SPATA19: variants seen among roughly 807,000 people sequenced by gnomAD.
SPATA19 encodes the protein spermatogenesis associated 19, also known as spermatogenesis-associated protein 19, mitochondrial.
Under a neutral mutation model 25.0 loss-of-function variants are expected in SPATA19, and 19 were observed. The ratio of observed to expected loss-of-function variants is 0.76; its 90% CI spans 0.53 to 1.11. The LOEUF is 1.11. Among genes scored for constraint, SPATA19 ranks in the 50% most tolerant of loss-of-function variants. SPATA19 has a pLI of 0.00. For synonymous variants in SPATA19, 64 were observed against 69.3 expected (o/e 0.92, Z 0.38); for missense variants, 222 against 211.4 (o/e 1.05, Z -0.31).
At chr11:133,842,842 T>C (rs1938338816) in intron 4 of SPATA19, among the ~76,000 whole-genome samples, 1 of 152,118 alleles carries the variant, frequency 6.6e-6, no homozygotes, top group South Asian at 2.1e-4. Flanking sequence ...CAAGCAGTGG[T>C]CTCGTGAGCC....
intron 6 of SPATA19, 25 bp downstream of exon 6, chr11:133,842,005 G>GTTCCTC (rs769903349): frequency 1.1e-5 from 17 of 1,605,684 alleles, no homozygotes; most frequent in Non-Finnish European, 1.4e-5. Context: ...TCTCTGCCCA[G>GTTCCTC]TTCCTCATCC....
downstream of SPATA19, among the ~76,000 whole-genome samples, chr11:133,839,440 C>A (rs1037437661): frequency 5.3e-5 from 8 of 150,684 alleles, no homozygotes; most frequent in Non-Finnish European, 2.9e-5. Flanking sequence ...GACAAAAAAC[C>A]AAACACCGCA....
downstream of SPATA19, among the ~76,000 whole-genome samples, chr11:133,839,054 G>C (rs1427740811): frequency 2.0e-5 from 3 of 152,210 alleles, no homozygotes; most frequent in Admixed American, 6.5e-5. Context: ...AGGATGTGGA[G>C]AAATAGGAAC....
At position 133,842,068 on chromosome 11, in the gene SPATA19, T is replaced by G. The variant is rs752377823; in HGVS notation, c.475A>C (p.Ser159Arg). Residue 159 changes from serine to arginine, a missense_variant, in exon 6 of 7, where the codon AGT becomes CGT. Coordinates refer to ENST00000299140, the MANE Select transcript of SPATA19 (RefSeq NM_174927.3). The stretch of plus-strand genomic sequence containing the variant: ...CAGTCTGAGGAGGAGGGTCTCATAC[T>G]GAAGTCCTGAGCTGAGACATCTGTA... ...RLTDVSAQDF[S>R]MRPSSSDC The G allele has an allele frequency of 1.2e-6, 2 of 1,614,150 alleles. No individual in the cohort carries two copies. Among genetic ancestry groups the G allele is most frequent in the Non-Finnish European group, 1.7e-6 (2 of 1,180,032 alleles).
intron 2 of SPATA19, 37 bp downstream of exon 2, chr11:133,845,097 T>C (rs1938391923): frequency 6.3e-7 from 1 of 1,581,274 alleles, no homozygotes; most frequent in African/African-American, 1.3e-5. Flanking sequence ...TTCTCTAGCA[T>C]TTTGGATATC....
chr11:133,839,862 C>T (rs1281985730), downstream of SPATA19, among the ~76,000 whole-genome samples: 1 of 151,704 alleles, frequency 6.6e-6, no homozygotes, highest in African/African-American at 2.4e-5. Flanking sequence ...AGAAGAATAC[C>T]CGCAAAAAAG....
At chr11:133,842,646 T>C in intron 4 of SPATA19, 84 bp from the exon 5 acceptor site, 1 of 1,041,152 alleles carries the variant, frequency 9.6e-7, no homozygotes, top group East Asian at 2.4e-5. Context: ...GATGGGATCC[T>C]GCAAACAATG....
chr11:133,836,318 A>C (rs1015270471), downstream of SPATA19, among the ~76,000 whole-genome samples: 1 of 152,152 alleles, frequency 6.6e-6, no homozygotes, highest in Admixed American at 6.5e-5. Context: ...CATGCAGGCA[A>C]AGGGAGGCTG....
In SPATA19 at chr11:133,842,082, G is replaced by A; in HGVS notation, c.461C>T (p.Ser154Leu). ...GGGTCTCATACTGAAGTCCTGAGCT[G>A]AGACATCTGTAAGACGGGATATGCT... Reference protein sequence around the residue: ...RRSISRLTDVSAQDFSMRPSS... With the variant: ...RRSISRLTDVLAQDFSMRPSS... The change falls in exon 6 of 7, where the codon TCA becomes TTA. Residue 154 changes from serine (S) to leucine (L), a missense_variant. Ser to Leu is a moderately radical substitution (Grantham distance 145, BLOSUM62 -2). Coordinates refer to ENST00000299140, the MANE Select transcript of SPATA19 (RefSeq NM_174927.3). 1.2e-6 allele frequency: 2 copies of A among 1,614,112 alleles called. No individual in the cohort carries two copies. Among genetic ancestry groups the A allele is most frequent in the East Asian group, 2.2e-5 (1 of 44,882 alleles).
At chr11:133,841,040 C>T (rs146611216) in intron 6 of SPATA19, 117 bp from the exon 7 acceptor site, 5 of 152,218 alleles carry the variant, frequency 3.3e-5, no homozygotes, top group Admixed American at 1.3e-4. Context: ...CCTCCCAGCA[C>T]TTCCTGTTCT....
Position 133,844,543 on chromosome 11 carries a change from G to A in SPATA19, c.233C>T (p.Thr78Ile), listed in dbSNP as rs574012678. The change falls in exon 3 of 7, where the codon ACC (threonine) becomes ATC (isoleucine). Residue 78 changes from threonine (T) to isoleucine (I), a missense_variant. Coordinates refer to ENST00000299140, the MANE Select transcript of SPATA19 (RefSeq NM_174927.3). ...REKMSTDSPP[T>I]HGQDIHVTRD... The stretch of plus-strand genomic sequence containing the variant: ...GGTCACGTGGATGTCCTGGCCATGG[G>A]TGGGAGGGGAGTCAGTGGACATCTT... 6.2e-7 allele frequency: 1 copy of A among 1,614,156 alleles called. No individual in the cohort carries two copies. The highest frequency in any genetic ancestry group is 1.7e-5 in the Admixed American group (1 of 60,022).
downstream of SPATA19, among the ~76,000 whole-genome samples, chr11:133,837,582 T>A (rs1938235224): frequency 6.6e-6 from 1 of 152,132 alleles, no homozygotes; most frequent in Non-Finnish European, 1.5e-5. Flanking sequence ...GGGAAACTAT[T>A]TTGCCAGGGC....
downstream of SPATA19, among the ~76,000 whole-genome samples, chr11:133,840,421 C>G (rs1938280990): frequency 6.6e-6 from 1 of 152,196 alleles, no homozygotes; most frequent in Non-Finnish European, 1.5e-5. Context: ...CAGCACACTT[C>G]CCTCAAAAAG....
chr11:133,837,632 C>G (rs546072736), downstream of SPATA19, among the ~76,000 whole-genome samples: 1 of 152,134 alleles, frequency 6.6e-6, no homozygotes, highest in South Asian at 2.1e-4. Flanking sequence ...AACTCCAGAC[C>G]CTCCCCTCTA....
At chr11:133,844,715 T>A in intron 2 of SPATA19, 75 bp from the exon 3 acceptor site, 2 of 1,490,678 alleles carry the variant, frequency 1.3e-6, no homozygotes, top group Non-Finnish European at 1.8e-6. Context: ...CTTCCTTTCC[T>A]TTTATTCATT....
intron 4 of SPATA19, 56 bp from the exon 5 acceptor site, chr11:133,842,618 G>T: frequency 7.6e-6 from 10 of 1,312,698 alleles, no homozygotes; most frequent in Non-Finnish European, 1.1e-5. Context: ...TTCTTAACAG[G>T]CATAGAGAGC....
chr11:133,836,878 C>T (rs985537971), downstream of SPATA19, among the ~76,000 whole-genome samples: 1 of 152,136 alleles, frequency 6.6e-6, no homozygotes, highest in African/African-American at 2.4e-5. Context: ...TCAAGAAAGC[C>T]AGGCTGGGGT....
chr11:133,839,781 A>G (rs974796088), downstream of SPATA19, among the ~76,000 whole-genome samples: 1 of 152,188 alleles, frequency 6.6e-6, no homozygotes, highest in African/African-American at 2.4e-5. Context: ...AACATTTTCC[A>G]AAAACTGTGG....
chr11:133,845,307 G>A lies in SPATA19; in HGVS notation c.78+62C>T, dbSNP rs922986382. 5 of 1,488,260 alleles carry A rather than the reference G, an allele frequency of 3.4e-6. No individual in the cohort carries two copies. The Admixed American group carries it at 5.0e-5, about 15-fold the overall frequency. The allele number at this position is 1,488,260 out of a possible 1,614,324, so 92.2% of individuals were successfully genotyped here. On this transcript the variant is annotated intron_variant, in intron 1 of 6. Coordinates refer to ENST00000299140, the MANE Select transcript of SPATA19 (RefSeq NM_174927.3). Reference sequence around the variant, plus strand: ...TAAGATCTCTATGAAGTGCAGCAGGGTCCCACAGGGGGAGAAGATATATGA... The same window carrying A: ...TAAGATCTCTATGAAGTGCAGCAGGATCCCACAGGGGGAGAAGATATATGA...
Sources: gnomAD v4.1 joint callset for allele counts (sites outside exome capture counted in the v4.1 genomes callset) on GRCh38, gnomAD v4.1.1 for gene constraint, MANE v1.5 for transcripts, NCBI Gene and HGNC (gene_info 2026-07-23, HGNC 2026-07-21) for gene names.